BRMS1: variants seen among roughly 807,000 people sequenced by gnomAD.
The protein encoded by BRMS1 is breast cancer metastasis-suppressor 1.
BRMS1 carries 26 observed loss-of-function variants against 40.4 expected under a neutral mutation model. That is an observed-to-expected ratio of 0.64 (90% CI 0.47 to 0.89). The LOEUF (loss-of-function observed/expected upper bound fraction) is 0.89, where lower values mean the gene tolerates loss of function less well. Ranked by LOEUF, BRMS1 falls within the 40% of genes least tolerant of loss-of-function variation. The pLI is 0.00. For missense variants in BRMS1, 289 were observed against 309.4 expected (o/e 0.93, Z 0.49); for synonymous variants, 103 against 116.0 (o/e 0.89, Z 0.72).
rs1057453550 is a variant in BRMS1 at position 66,337,370 on chromosome 11, A to C, written c.*512T>G. 4 of 379,994 alleles carry C rather than the reference A, an allele frequency of 1.1e-5. No homozygotes were observed. The highest frequency in any genetic ancestry group is 1.9e-5 in the Non-Finnish European group (4 of 207,660). The allele number at this position is 379,994 out of a possible 1,614,324, so 23.5% of individuals were successfully genotyped here. On this transcript the variant is annotated 3_prime_UTR_variant, in exon 10 of 10. Transcript: ENST00000359957. Reference sequence around the variant, plus strand: ...GAAAGGTTTTAATTCCAGTCCTTGGAATCTGAGAAGCAGACACCAAGAACT... The same window carrying C: ...GAAAGGTTTTAATTCCAGTCCTTGGCATCTGAGAAGCAGACACCAAGAACT...
At chr11:66,342,036 CAT>C (rs1361068934) in intron 2 of BRMS1, 58 bp downstream of exon 2, 2 of 1,521,100 alleles carry the variant, frequency 1.3e-6, no homozygotes, top group Non-Finnish European at 1.8e-6. Flanking sequence ...TGTGTGTGTG[CAT>C]GTGTGTGTGT....
At chr11:66,340,249 G>A (rs765198997) in intron 6 of BRMS1, 36 bp from the exon 7 acceptor site, 3 of 1,569,026 alleles carry the variant, frequency 1.9e-6, no homozygotes, top group Non-Finnish European at 2.6e-6. Flanking sequence ...TGGGGTGCTG[G>A]CCCACAGGAT....
In BRMS1 at chr11:66,338,736, C is replaced by A; in HGVS notation, c.678G>T (p.Trp226Cys). Residue 226 changes from tryptophan (W) to cysteine (C), a missense_variant, in exon 8 of 10, where the codon TGG (tryptophan) becomes TGT (cysteine). Transcript: ENST00000359957. ...MLQEIDILED[W>C]TAIKKARAAV... ...CGGCCCCCACCTTTTTGATGGCTGT[C>A]CAGTCCTCCAGGATGTCGATCTCTT... The A allele has an allele frequency of 6.2e-7, 1 of 1,603,024 alleles. No individual in the cohort carries two copies. Among genetic ancestry groups the A allele is most frequent in the South Asian group, 1.1e-5 (1 of 90,178 alleles).
Position 66,341,884 on chromosome 11 carries a change from A to T in BRMS1, c.139+212T>A. 1.7e-6 allele frequency: 1 copy of T among 597,866 alleles called. No homozygotes were observed. Among genetic ancestry groups the T allele is most frequent in the Non-Finnish European group, 2.9e-6 (1 of 345,820 alleles). The allele number at this position is 597,866 out of a possible 1,614,324, so 37.0% of individuals were successfully genotyped here. ...GTGTGAAGGGGCTGTGTGTGTGCATACGTGCTTGTGTGTAGGGGCTGTGTG... is the reference window on the plus strand; with the variant it reads ...GTGTGAAGGGGCTGTGTGTGTGCATTCGTGCTTGTGTGTAGGGGCTGTGTG... On this transcript the variant is annotated intron_variant, in intron 2 of 9. Transcript: ENST00000359957. This position sits in a 1 kb window ranked among gnomAD's most constrained non-coding sequence, Gnocchi z 4.9.
Position 66,341,965 on chromosome 11 carries a change from GTGTA to G in BRMS1, c.139+127_139+130del, listed in dbSNP as rs1210070873. On this transcript the variant is annotated intron_variant, in intron 2 of 9. Coordinates refer to ENST00000359957, the MANE Select transcript of BRMS1 (RefSeq NM_015399.4). This position sits in a 1 kb window ranked among gnomAD's most constrained non-coding sequence, Gnocchi z 4.9. ...GTGTGTGCGCTTGTGTGCAGGGTCT[GTGTA>G]TGTGCTTGTGTGTAGGCGCTGTATG... 3.1e-5 allele frequency: 31 copies of G among 1,013,034 alleles called. No homozygotes were observed. The highest frequency in any genetic ancestry group is 1.1e-4 in the Admixed American group (5 of 46,492). The allele number at this position is 1,013,034 out of a possible 1,614,324, so 62.8% of individuals were successfully genotyped here.
chr11:66,344,021 C>G (rs537376363), intron 1 of BRMS1, among the ~76,000 whole-genome samples: 1 of 152,344 alleles, frequency 6.6e-6, no homozygotes, highest in East Asian at 1.9e-4. Flanking sequence ...TCCAACTTCT[C>G]TGGACACTGC....
In BRMS1 at chr11:66,337,568, C is replaced by T. The variant is rs1256556044; in HGVS notation, c.*314G>A. 5 of 993,796 alleles carry T rather than the reference C, an allele frequency of 5.0e-6. No homozygotes were observed. Among genetic ancestry groups the T allele is most frequent in the East Asian group, 5.3e-5 (2 of 37,928 alleles). 61.6% of individuals were successfully genotyped at this position (993,796 alleles called of 1,614,324 possible). On this transcript the variant is annotated 3_prime_UTR_variant, in exon 10 of 10. Coordinates refer to ENST00000359957, the MANE Select transcript of BRMS1 (RefSeq NM_015399.4). The stretch of plus-strand genomic sequence containing the variant: ...CAGCAAGAGGATGTGGCTTTGACTT[C>T]GGCTGTCTTCTCTGTCAGGGGAGCC...
At chr11:66,338,388 G>A (rs1854983875) in intron 8 of BRMS1, 106 bp from the exon 9 acceptor site, 1 of 1,538,870 alleles carries the variant, frequency 6.5e-7, no homozygotes, top group Non-Finnish European at 8.8e-7. Flanking sequence ...TCAGTGCTGT[G>A]CCCCCAGGAC....
chr11:66,342,513 A>T (rs1210564382), intron 1 of BRMS1, among the ~76,000 whole-genome samples: 1 of 152,200 alleles, frequency 6.6e-6, no homozygotes, highest in Non-Finnish European at 1.5e-5. Flanking sequence ...ATCCACAGAA[A>T]GGAAAGGCCC....
chr11:66,341,141 G>C lies in BRMS1; in HGVS notation c.358+65C>G, dbSNP rs1054105931. On this transcript the variant is annotated intron_variant, in intron 4 of 9. Transcript: ENST00000359957. The surrounding 1 kb of genome is among the most constrained non-coding windows in gnomAD (Gnocchi z 4.9). ...AAAGGGCAAGGCCGGGCAGGAACGA[G>C]AGAGGAAGGGGACAGGGTGCCACGG... The C allele has an allele frequency of 2.5e-6, 4 of 1,612,238 alleles. No individual in the cohort carries two copies. The African/African-American group carries it at 5.3e-5, about 22-fold the overall frequency.
intron 7 of BRMS1, among the ~76,000 whole-genome samples, chr11:66,339,444 T>G (rs1855015537): frequency 6.6e-6 from 1 of 152,126 alleles, no homozygotes; most frequent in South Asian, 2.1e-4. Context: ...CACAGGAAAG[T>G]GAAGCCATAG....
At chr11:66,343,346 A>G (rs534986175) in intron 1 of BRMS1, among the ~76,000 whole-genome samples, 54 of 152,344 alleles carry the variant, frequency 3.5e-4, no homozygotes, top group African/African-American at 1.3e-3. Context: ...TGACTCATCT[A>G]ACATGTATTG....
intron 8 of BRMS1, 113 bp from the exon 9 acceptor site, chr11:66,338,395 G>A (rs935115512): frequency 6.5e-7 from 1 of 1,532,724 alleles, no homozygotes; most frequent in African/African-American, 1.4e-5. Flanking sequence ...TGTGCCCCCA[G>A]GACCGGGAGC....
Position 66,340,080 on chromosome 11 carries a change from A to G in BRMS1, c.628+41T>C, listed in dbSNP as rs747694180. Reference sequence around the variant, plus strand: ...TCCCCTGGGTCTGGAGTTGACCCTTACATCCTGCCCACTTTTAGGCCACCT... The same window carrying G: ...TCCCCTGGGTCTGGAGTTGACCCTTGCATCCTGCCCACTTTTAGGCCACCT... On this transcript the variant is annotated intron_variant, in intron 7 of 9. Coordinates refer to ENST00000359957, the MANE Select transcript of BRMS1 (RefSeq NM_015399.4). 5.7e-6 allele frequency: 9 copies of G among 1,574,980 alleles called. No homozygotes were observed. The Admixed American group carries it at 1.3e-4, about 23-fold the overall frequency.
intron 1 of BRMS1, 125 bp from the exon 2 acceptor site, chr11:66,342,366 C>T (rs1239702447): frequency 1.7e-6 from 2 of 1,204,190 alleles, no homozygotes; most frequent in East Asian, 2.4e-5. Context: ...GGCCTGGCCA[C>T]ACCTTGAGCA....
chr11:66,338,523 GAC>G (rs1854990241), intron 8 of BRMS1, 196 bp downstream of exon 8: 1 of 1,536,468 alleles, frequency 6.5e-7, no homozygotes, highest in African/African-American at 1.4e-5. Context: ...GGAAGGGGCT[GAC>G]ACAGACTAGA....
intron 1 of BRMS1, among the ~76,000 whole-genome samples, chr11:66,343,657 G>A (rs1855135928): frequency 6.6e-6 from 1 of 152,164 alleles, no homozygotes; most frequent in Non-Finnish European, 1.5e-5. Context: ...GAGAAGGAAA[G>A]CAGCTGGGGG....
intron 6 of BRMS1, among the ~76,000 whole-genome samples, chr11:66,340,458 C>G (rs920834222): frequency 6.6e-6 from 1 of 152,162 alleles, no homozygotes; most frequent in African/African-American, 2.4e-5. Context: ...GACGACAATT[C>G]CTGCCACCCC....
chr11:66,337,385 C>T lies in BRMS1; in HGVS notation c.*497G>A, dbSNP rs1854938523. On this transcript the variant is annotated 3_prime_UTR_variant, in exon 10 of 10. Coordinates refer to ENST00000359957, the MANE Select transcript of BRMS1 (RefSeq NM_015399.4). ...CAGTCCTTGGAATCTGAGAAGCAGA[C>T]ACCAAGAACTGCCCTGAGAACACCT... is the stretch of plus-strand genomic sequence containing the variant. 3 of 421,800 alleles carry T rather than the reference C, an allele frequency of 7.1e-6. No individual in the cohort carries two copies. Among genetic ancestry groups the T allele is most frequent in the Admixed American group, 3.7e-5 (1 of 26,796 alleles). 26.1% of individuals were successfully genotyped at this position (421,800 alleles called of 1,614,324 possible). A position where few individuals can be genotyped will look rare whatever the true frequency, so the allele number is the denominator to read the frequency against.
Sources: allele counts gnomAD v4.1 joint callset (sites outside exome capture counted in the v4.1 genomes callset), GRCh38; gene constraint gnomAD v4.1.1; non-coding constraint Gnocchi (gnomAD v3.1); transcripts MANE v1.5; gene names NCBI Gene and HGNC (gene_info 2026-07-23, HGNC 2026-07-21).